The following SKAP1 variants were observed in gnomAD, a reference collection of about 807,000 sequenced individuals.
The protein encoded by SKAP1 is src kinase-associated phosphoprotein 1.
A neutral mutation model predicts 58.5 loss-of-function variants in SKAP1; 44 were observed. The observed-to-expected ratio is 0.75, with a 90% CI of 0.59 to 0.97. SKAP1 has a LOEUF of 0.97. Among genes scored for constraint, SKAP1 ranks in the 50% least tolerant of loss-of-function variants. The pLI, the probability that SKAP1 is intolerant of heterozygous loss-of-function variation, is 0.00. For synonymous variants in SKAP1, 127 were observed against 149.7 expected (o/e 0.85, Z 1.11); for missense variants, 390 against 435.2 (o/e 0.90, Z 0.92).
intron 4 of SKAP1, among the ~76,000 whole-genome samples, chr17:48,262,197 A>G (rs999518050): frequency 5.9e-5 from 9 of 152,226 alleles, no homozygotes; most frequent in Non-Finnish European, 2.9e-5. Flanking sequence ...GGAGGCCCCC[A>G]GTCAGGAGGT....
chr17:48,353,415 G>A (rs1380641571), intron 3 of SKAP1, among the ~76,000 whole-genome samples: 1 of 152,034 alleles, frequency 6.6e-6, no homozygotes, highest in Non-Finnish European at 1.5e-5. Context: ...ATTACTATTG[G>A]TTCATCTTGC....
chr17:48,441,710 C>T, the SKAP1 span, among the ~76,000 whole-genome samples: 2 of 152,156 alleles, frequency 1.3e-5, no homozygotes, highest in African/African-American at 4.8e-5. Context: ...AACACAAAAT[C>T]ACAAGATCAA....
chr17:48,391,219 T>C (rs1032327399), intron 2 of SKAP1, among the ~76,000 whole-genome samples: 3 of 152,176 alleles, frequency 2.0e-5, no homozygotes, highest in African/African-American at 4.8e-5. Context: ...CATTATTACA[T>C]TAAAAAATGT....
At chr17:48,323,993 T>C (rs2066400374) in intron 4 of SKAP1, among the ~76,000 whole-genome samples, 1 of 152,140 alleles carries the variant, frequency 6.6e-6, no homozygotes, top group Non-Finnish European at 1.5e-5. Flanking sequence ...TATTCTGAGC[T>C]GTTAACACTC....
chr17:48,420,524 G>A (rs1488966875), intron 1 of SKAP1, among the ~76,000 whole-genome samples: 1 of 152,068 alleles, frequency 6.6e-6, no homozygotes, highest in Non-Finnish European at 1.5e-5. Flanking sequence ...ACAATGAGAA[G>A]GCATAAGGCT....
intron 3 of SKAP1, among the ~76,000 whole-genome samples, chr17:48,351,086 T>G (rs1211571279): frequency 6.6e-6 from 1 of 152,216 alleles, no homozygotes; most frequent in African/African-American, 2.4e-5. Context: ...TGGTCCTTAT[T>G]ATAACCATTC....
At chr17:48,149,478 C>T (rs978461663) in intron 11 of SKAP1, among the ~76,000 whole-genome samples, 3 of 152,140 alleles carry the variant, frequency 2.0e-5, no homozygotes, top group South Asian at 2.1e-4. Flanking sequence ...AAGATTGTTC[C>T]GGCGAGGGAA....
At chr17:48,371,714 G>A (rs1173553385) in intron 2 of SKAP1, among the ~76,000 whole-genome samples, 1 of 134,972 alleles carries the variant, frequency 7.4e-6, no homozygotes, top group African/African-American at 2.8e-5. Context: ...ATGCATGCCT[G>A]TAGTCCCAGC....
At chr17:48,405,441 CTTT>C (rs1344298536) in intron 1 of SKAP1, among the ~76,000 whole-genome samples, 4,131 of 78,488 alleles carry the variant, frequency 0.053, 147 homozygotes, top group Non-Finnish European at 0.068. Flanking sequence ...TTCTTTCTTT[CTTT>C]CTTTCTTTTC....
intron 2 of SKAP1, among the ~76,000 whole-genome samples, chr17:48,379,468 A>G (rs1355146152): frequency 6.6e-6 from 1 of 152,196 alleles, no homozygotes; most frequent in Non-Finnish European, 1.5e-5. Context: ...AAGAACTACA[A>G]TGAATTACTG....
intron 2 of SKAP1, among the ~76,000 whole-genome samples, chr17:48,378,439 T>G (rs758162358): frequency 1.4e-4 from 21 of 152,274 alleles, no homozygotes; most frequent in Admixed American, 2.6e-4. Flanking sequence ...CTGGTAAACC[T>G]CCAATAAATG....
At chr17:48,325,687 G>C (rs1451118562) in intron 4 of SKAP1, among the ~76,000 whole-genome samples, 1 of 152,120 alleles carries the variant, frequency 6.6e-6, no homozygotes, top group African/African-American at 2.4e-5. Flanking sequence ...CAGACAGTTA[G>C]TTTATACTTA....
chr17:48,224,087 A>AG (rs1302247897), intron 4 of SKAP1, among the ~76,000 whole-genome samples: 2 of 74,546 alleles, frequency 2.7e-5, no homozygotes, highest in African/African-American at 5.4e-5. Flanking sequence ...GAGGAGGAGG[A>AG]AGAGGAGGAG....
chr17:48,338,252 C>A (rs979853512), intron 4 of SKAP1, among the ~76,000 whole-genome samples: 7 of 151,802 alleles, frequency 4.6e-5, no homozygotes, highest in Admixed American at 4.6e-4. Flanking sequence ...CAGGTTCAAG[C>A]GATTTTCCTG....
intron 3 of SKAP1, among the ~76,000 whole-genome samples, chr17:48,356,244 C>T (rs2066874639): frequency 2.0e-5 from 3 of 151,762 alleles, no homozygotes; most frequent in Non-Finnish European, 4.4e-5. Context: ...GGTGACAGAG[C>T]GAGATTCTGT....
intron 12 of SKAP1, chr17:48,136,930 A>G: frequency 4.5e-6 from 1 of 220,970 alleles, no homozygotes; most frequent in Non-Finnish European, 9.2e-6. Context: ...CGGCCTCCTA[A>G]AGTGCTGGGA....
upstream of SKAP1, among the ~76,000 whole-genome samples, chr17:48,433,111 T>A (rs951775595): frequency 4.6e-5 from 7 of 152,206 alleles, no homozygotes; most frequent in African/African-American, 1.7e-4. Flanking sequence ...TCCTTAATCA[T>A]CTGAGGACCC....
chr17:48,339,156 T>A (rs2066614298), intron 4 of SKAP1, among the ~76,000 whole-genome samples: 1 of 152,252 alleles, frequency 6.6e-6, no homozygotes, highest in African/African-American at 2.4e-5. Context: ...TTCCACAGTA[T>A]GTGCCTCTAA....
chr17:48,273,894 A>G (rs2065665437), intron 4 of SKAP1, among the ~76,000 whole-genome samples: 1 of 151,846 alleles, frequency 6.6e-6, no homozygotes, highest in African/African-American at 2.4e-5. Context: ...TCCAGGTTTA[A>G]GAACTCTGGT....
Sources: gnomAD v4.1 joint callset for allele counts (sites outside exome capture counted in the v4.1 genomes callset) on GRCh38, gnomAD v4.1.1 for gene constraint, MANE v1.5 for transcripts, NCBI Gene and HGNC (gene_info 2026-07-23, HGNC 2026-07-21) for gene names.